The following DLG2 variants were observed in gnomAD, a reference collection of about 807,000 sequenced individuals.
DLG2 encodes disks large homolog 2.
In DLG2, 45 loss-of-function variants were observed where a neutral mutation model predicts 132.5. The observed-to-expected ratio is 0.34, with a 90% CI of 0.27 to 0.44. DLG2 has a LOEUF of 0.44. Ranked by LOEUF, DLG2 falls within the 20% of genes least tolerant of loss-of-function variation. DLG2 has a pLI of 1.00. For missense variants in DLG2, 1,045 were observed against 1,196.9 expected, an observed-to-expected ratio of 0.87 and a Z score of 1.87; for synonymous variants, 424 against 419.6, an observed-to-expected ratio of 1.01 and a Z score of -0.13.
intron 4 of DLG2, among the ~76,000 whole-genome samples, chr11:85,244,632 A>G (rs2076049169): frequency 6.6e-6 from 1 of 151,966 alleles, no homozygotes; most frequent in Admixed American, 6.6e-5. Context: ...ATAAATATCT[A>G]TTAATTACAC....
chr11:83,707,174 T>C (rs2084208050), intron 18 of DLG2, among the ~76,000 whole-genome samples: 1 of 152,204 alleles, frequency 6.6e-6, no homozygotes, highest in South Asian at 2.1e-4. Flanking sequence ...AAGGACTGGC[T>C]GCAGAGCCCT....
chr11:84,439,995 G>A (rs976296854), intron 7 of DLG2, among the ~76,000 whole-genome samples: 1 of 152,070 alleles, frequency 6.6e-6, no homozygotes, highest in African/African-American at 2.4e-5. Flanking sequence ...TATAATTTTT[G>A]CATTCTCTTC....
chr11:85,391,953 G>C (rs537519123), intron 3 of DLG2, among the ~76,000 whole-genome samples: 7 of 151,998 alleles, frequency 4.6e-5, no homozygotes, highest in Non-Finnish European at 1.0e-4. Context: ...TGAGACAAGA[G>C]AAAGAAATAA....
chr11:83,602,397 T>C (rs17145707), intron 19 of DLG2, among the ~76,000 whole-genome samples: 4,488 of 152,288 alleles, frequency 0.029, 220 homozygotes, highest in African/African-American at 0.1. Context: ...GCACCTAATA[T>C]TGTGAAAATA....
intron 3 of DLG2, among the ~76,000 whole-genome samples, chr11:85,323,141 C>A (rs947865387): frequency 1.3e-5 from 2 of 152,188 alleles, no homozygotes; most frequent in Non-Finnish European, 2.9e-5. Context: ...CTGTGAGGAG[C>A]TGGAGGAAAC....
intron 19 of DLG2, among the ~76,000 whole-genome samples, chr11:83,589,133 C>T (rs1406224070): frequency 3.3e-5 from 5 of 149,866 alleles, no homozygotes; most frequent in African/African-American, 1.2e-4. Context: ...TCAGGAAATA[C>T]AGAGAATGCC....
chr11:83,938,963 G>C (rs1380380503), intron 14 of DLG2, among the ~76,000 whole-genome samples: 4 of 152,126 alleles, frequency 2.6e-5, no homozygotes, highest in African/African-American at 9.7e-5. Context: ...TTATAATTGA[G>C]ATACTTTCTA....
At chr11:84,997,381 A>G (rs1186742040) in intron 6 of DLG2, 2 of 152,116 alleles carry the variant, frequency 1.3e-5, no homozygotes, top group Non-Finnish European at 2.9e-5. Flanking sequence ...GGCACCCATC[A>G]AGTTTTACCA....
intron 6 of DLG2, among the ~76,000 whole-genome samples, chr11:85,104,872 CAAAAAAAAAA>C (rs56043190): frequency 2.4e-3 from 137 of 56,058 alleles, no homozygotes; most frequent in South Asian, 9.8e-3. Flanking sequence ...GGCTGAATGG[CAAAAAAAAAA>C]AAAAAAAAAA....
At chr11:84,526,362 G>T (rs1461463486) in intron 7 of DLG2, among the ~76,000 whole-genome samples, 1 of 152,110 alleles carries the variant, frequency 6.6e-6, no homozygotes, top group African/African-American at 2.4e-5. Context: ...CAATAAGGGA[G>T]TAAAATGAAA....
At chr11:84,950,060 G>A (rs551048446) in intron 6 of DLG2, among the ~76,000 whole-genome samples, 3 of 152,164 alleles carry the variant, frequency 2.0e-5, no homozygotes, top group South Asian at 2.1e-4. Context: ...CGGACCCTCC[G>A]TTTGGGGTCC....
chr11:84,934,458 T>C (rs1258561416), intron 6 of DLG2, among the ~76,000 whole-genome samples: 1 of 151,002 alleles, frequency 6.6e-6, no homozygotes, highest in African/African-American at 2.4e-5. Flanking sequence ...CCAGCTCTTC[T>C]TTGTACATCC....
chr11:83,669,576 C>T (rs1055539873), intron 18 of DLG2, among the ~76,000 whole-genome samples: 7 of 152,094 alleles, frequency 4.6e-5, no homozygotes, highest in African/African-American at 1.7e-4. Context: ...AAAAACGAAG[C>T]ATAATTTGTA....
At chr11:84,733,480 A>G (rs2063425485) in intron 6 of DLG2, among the ~76,000 whole-genome samples, 1 of 151,938 alleles carries the variant, frequency 6.6e-6, no homozygotes, top group Non-Finnish European at 1.5e-5. Flanking sequence ...CCACTTGTTG[A>G]TAGGGTTGTT....
intron 3 of DLG2, among the ~76,000 whole-genome samples, chr11:85,583,130 G>GTGTATGTATATA (rs1555190569): frequency 7.4e-5 from 1 of 13,598 alleles, no homozygotes; most frequent in African/African-American, 2.0e-4. Flanking sequence ...GTGTGTGTGT[G>GTGTATGTATATA]TATATATATA....
intron 7 of DLG2, among the ~76,000 whole-genome samples, chr11:84,505,209 T>C (rs2099235510): frequency 6.6e-6 from 1 of 152,138 alleles, no homozygotes; most frequent in Non-Finnish European, 1.5e-5. Flanking sequence ...AGGCGACCCT[T>C]CCCACAAATT....
intron 6 of DLG2, among the ~76,000 whole-genome samples, chr11:84,808,816 A>C (rs2153969197): frequency 6.6e-6 from 1 of 152,062 alleles, no homozygotes; most frequent in African/African-American, 2.4e-5. Context: ...TTATTTTAAA[A>C]ATTCCCAAAC....
rs368073388 is a variant in DLG2, at chr11:84,535,779, C to T, written c.358-1048G>A. ...AACCCTCTACATCTGACCTCTTAAT[C>T]AGATAATAAAGTGTTAGTTTGCTTT... is the stretch of plus-strand genomic sequence containing the variant. On this transcript the variant is annotated intron_variant, in intron 6 of 27. Coordinates refer to ENST00000376104, the MANE Select transcript of DLG2 (RefSeq NM_001142699.3). Among the ~76,000 whole-genome samples the T allele has an allele frequency of 1.1e-4, 16 of 152,124 alleles. No individual in the cohort carries two copies. In the South Asian group the frequency reaches 3.1e-3, roughly 30 times the overall value.
chr11:85,572,064 C>G (rs2077874158), intron 3 of DLG2, among the ~76,000 whole-genome samples: 1 of 152,086 alleles, frequency 6.6e-6, no homozygotes, highest in Non-Finnish European at 1.5e-5. Flanking sequence ...GCTTCTTTCT[C>G]TTGACAAAGT....
Sources: gnomAD v4.1 joint callset for allele counts (sites outside exome capture counted in the v4.1 genomes callset) on GRCh38, gnomAD v4.1.1 for gene constraint, MANE v1.5 for transcripts, NCBI Gene and HGNC (gene_info 2026-07-23, HGNC 2026-07-21) for gene names.